Variants in ASTN1 observed in about 807,000 individuals in gnomAD.
ASTN1 encodes the protein astrotactin-1.
Under a neutral mutation model 140.7 loss-of-function variants are expected in ASTN1, and 41 were observed. That is an observed-to-expected ratio of 0.29 (90% CI 0.23 to 0.38). The LOEUF is 0.38. Among genes scored for constraint, ASTN1 ranks in the 10% least tolerant of loss-of-function variants. ASTN1 has a pLI of 1.00. For synonymous variants in ASTN1, 640 were observed against 652.2 expected, an observed-to-expected ratio of 0.98 and a Z score of 0.29; for missense variants, 1,479 against 1,678.8, an observed-to-expected ratio of 0.88 and a Z score of 2.08.
chr1:177,051,069 T>C (rs888199327), intron 2 of ASTN1, among the ~76,000 whole-genome samples: 13 of 152,246 alleles, frequency 8.5e-5, no homozygotes, highest in Non-Finnish European at 1.8e-4. Context: ...CATCAGTGTC[T>C]CTCAAGAGAA....
chr1:177,007,468 A>T (rs1002111812), intron 8 of ASTN1, among the ~76,000 whole-genome samples: 2 of 152,322 alleles, frequency 1.3e-5, no homozygotes, highest in South Asian at 4.1e-4. Context: ...TCTTATTTTC[A>T]TTGGAAAAAG....
chr1:176,981,140 A>T lies in ASTN1; in HGVS notation c.1524-15903T>A, dbSNP rs1673593223. Among the ~76,000 whole-genome samples, 4 of 137,840 alleles carry T rather than the reference A, an allele frequency of 2.9e-5. 1 individual carries two copies. In the South Asian group the frequency reaches 1.0e-3, roughly 35 times the overall value. 90.4% of individuals were successfully genotyped at this position (137,840 alleles called of 152,430 possible). ...GGCAGGAGAATCACTTGAACTCAGG[A>T]GGCAGAGACTGCAGTGAGCCAAGAT... is the stretch of plus-strand genomic sequence containing the variant. On this transcript the variant is annotated intron_variant, in intron 8 of 22. Coordinates refer to ENST00000361833, the MANE Select transcript of ASTN1 (RefSeq NM_004319.3).
chr1:177,051,212 A>C (rs1677525823), intron 2 of ASTN1, among the ~76,000 whole-genome samples: 1 of 152,196 alleles, frequency 6.6e-6, no homozygotes. Context: ...CTAGCAAATT[A>C]TTGTCTTTCA....
In ASTN1 at chr1:177,149,886, T is replaced by C. The variant is rs148068054; in HGVS notation, c.283+14508A>G. ...AGTAAATATATATACAGTGTATATATATAGTAAATATATGTATATATATAT... is the reference window on the plus strand; with the variant it reads ...AGTAAATATATATACAGTGTATATACATAGTAAATATATGTATATATATAT... On this transcript the variant is annotated intron_variant, in intron 1 of 22. Transcript: ENST00000361833. Among the ~76,000 whole-genome samples, 1,138 of 141,700 alleles carry C rather than the reference T, an allele frequency of 8.0e-3. 49 individuals carry two copies. The highest frequency in any genetic ancestry group is 0.022 in the Admixed American group (309 of 13,746). The allele number at this position is 141,700 out of a possible 152,430, so 93.0% of individuals were successfully genotyped here.
At chr1:176,974,863 CT>C (rs1271980355) in intron 8 of ASTN1, among the ~76,000 whole-genome samples, 13 of 152,146 alleles carry the variant, frequency 8.5e-5, no homozygotes, top group African/African-American at 2.7e-4. Context: ...CACACTTGAA[CT>C]TTTTGTCATC....
intron 2 of ASTN1, among the ~76,000 whole-genome samples, chr1:177,035,912 T>C (rs970519288): frequency 7.2e-5 from 11 of 152,174 alleles, no homozygotes; most frequent in African/African-American, 2.4e-4. Flanking sequence ...ACATAACTTA[T>C]AGGGAGCTAG....
chr1:177,101,658 C>A (rs756315985), intron 1 of ASTN1, among the ~76,000 whole-genome samples: 1 of 152,068 alleles, frequency 6.6e-6, no homozygotes, highest in Non-Finnish European at 1.5e-5. Flanking sequence ...ATCCATTGAC[C>A]TATATGCTTG....
At position 177,049,742 on chromosome 1, in the gene ASTN1, G is replaced by A. The variant is rs967934553; in HGVS notation, c.471+11336C>T. The stretch of plus-strand genomic sequence containing the variant: ...TCTGTGTGACGATAGCTGGGCCCAC[G>A]TCACTCTGCTTTGAAAGCTACAAGC... On this transcript the variant is annotated intron_variant, in intron 2 of 22. Transcript: ENST00000361833. Among the ~76,000 whole-genome samples, 5 of 152,190 alleles carry A rather than the reference G, an allele frequency of 3.3e-5. No individual in the cohort carries two copies. The South Asian group carries it at 8.3e-4, about 25-fold the overall frequency.
At chr1:177,053,732 T>C (rs1677655607) in intron 2 of ASTN1, among the ~76,000 whole-genome samples, 1 of 152,218 alleles carries the variant, frequency 6.6e-6, no homozygotes, top group South Asian at 2.1e-4. Flanking sequence ...CTAAGTTCAT[T>C]GTTACATGAC....
chr1:176,898,623 G>A (rs1311008262), intron 16 of ASTN1, among the ~76,000 whole-genome samples: 1 of 152,174 alleles, frequency 6.6e-6, no homozygotes, highest in Non-Finnish European at 1.5e-5. Context: ...GGTCCTAAAA[G>A]CTTCAGGAGA....
At chr1:176,977,936 G>A (rs926029422) in intron 8 of ASTN1, among the ~76,000 whole-genome samples, 3 of 152,116 alleles carry the variant, frequency 2.0e-5, no homozygotes, top group Admixed American at 6.5e-5. Context: ...TTTCCAGGCA[G>A]GGTGGAAGAG....
intron 1 of ASTN1, among the ~76,000 whole-genome samples, chr1:177,091,659 T>C (rs960794336): frequency 3.3e-5 from 5 of 152,134 alleles, no homozygotes; most frequent in Admixed American, 2.6e-4. Flanking sequence ...TCTAGAACAG[T>C]TCTATCTCCC....
intron 1 of ASTN1, among the ~76,000 whole-genome samples, chr1:177,136,844 A>G (rs1253831953): frequency 6.6e-6 from 1 of 152,202 alleles, no homozygotes; most frequent in African/African-American, 2.4e-5. Context: ...ACATGGAAAT[A>G]GACATATTAT....
At chr1:177,058,780 C>T (rs549350972) in intron 2 of ASTN1, among the ~76,000 whole-genome samples, 1 of 151,728 alleles carries the variant, frequency 6.6e-6, no homozygotes, top group South Asian at 2.1e-4. Context: ...GATTTTGGTG[C>T]TCCCATCCCC....
chr1:177,094,687 G>A (rs576707517), intron 1 of ASTN1, among the ~76,000 whole-genome samples: 1 of 152,314 alleles, frequency 6.6e-6, no homozygotes, highest in South Asian at 2.1e-4. Context: ...AATTGGTACT[G>A]AGAAGTGGGG....
intron 17 of ASTN1, among the ~76,000 whole-genome samples, chr1:176,890,268 G>A (rs1669204312): frequency 6.6e-6 from 1 of 152,210 alleles, no homozygotes; most frequent in African/African-American, 2.4e-5. Flanking sequence ...GACAAGGAAG[G>A]GTAGATAAGC....
chr1:177,023,695 T>C (rs982155165), intron 6 of ASTN1, 124 bp from the exon 7 acceptor site: 46 of 1,096,872 alleles, frequency 4.2e-5, no homozygotes, highest in Non-Finnish European at 5.5e-5. Context: ...CTCTCACCAT[T>C]CCTAGCCCAT....
chr1:176,904,124 G>A (rs925201463), intron 16 of ASTN1, among the ~76,000 whole-genome samples: 3 of 152,188 alleles, frequency 2.0e-5, no homozygotes, highest in Admixed American at 2.0e-4. Flanking sequence ...GAATTTGGAA[G>A]GACACTGTTC....
chr1:177,003,154 T>C (rs1558024039), intron 8 of ASTN1, among the ~76,000 whole-genome samples: 2 of 151,998 alleles, frequency 1.3e-5, no homozygotes, highest in Non-Finnish European at 1.5e-5. Context: ...CAGTATTACC[T>C]TGATGCCAAA....
Sources: gnomAD v4.1 joint callset for allele counts (sites outside exome capture counted in the v4.1 genomes callset) on GRCh38, gnomAD v4.1.1 for gene constraint, MANE v1.5 for transcripts, NCBI Gene and HGNC (gene_info 2026-07-23, HGNC 2026-07-21) for gene names.